PIP5K1C: variants seen among roughly 807,000 people sequenced by gnomAD.
PIP5K1C encodes phosphatidylinositol 4-phosphate 5-kinase type-1 gamma.
PIP5K1C carries 45 observed loss-of-function variants against 80.1 expected under a neutral mutation model. That is an observed-to-expected ratio of 0.56 (90% confidence interval 0.44 to 0.72). The LOEUF is 0.72. PIP5K1C is among the 30% of genes least tolerant of loss of function. PIP5K1C has a pLI of 0.00. For missense variants in PIP5K1C, 753 were observed against 954.6 expected, an observed-to-expected ratio of 0.79 and a Z score of 2.78; for synonymous variants, 498 against 420.1, an observed-to-expected ratio of 1.19 and a Z score of -2.27.
intron 1 of PIP5K1C, among the ~76,000 whole-genome samples, chr19:3,687,253 T>C (rs2035787427): frequency 6.6e-6 from 1 of 151,986 alleles, no homozygotes; most frequent in Non-Finnish European, 1.5e-5. Context: ...TCCCAGCTAC[T>C]CAGGAGGCTG....
At chr19:3,690,310 A>AAC (rs2035909358) in intron 1 of PIP5K1C, among the ~76,000 whole-genome samples, 1 of 152,068 alleles carries the variant, frequency 6.6e-6, no homozygotes, top group South Asian at 2.1e-4. Context: ...CAGCCCAGGC[A>AAC]ACATGGGAAG....
At chr19:3,645,783 C>T (rs969618660) in intron 11 of PIP5K1C, among the ~76,000 whole-genome samples, 191 bp downstream of exon 11, 1 of 152,244 alleles carries the variant, frequency 6.6e-6, no homozygotes, top group African/African-American at 2.4e-5. Context: ...GACCCGTGCT[C>T]TACCGCTGTG....
At chr19:3,694,736 G>A (rs1454013307) in intron 1 of PIP5K1C, among the ~76,000 whole-genome samples, 5 of 152,242 alleles carry the variant, frequency 3.3e-5, no homozygotes, top group African/African-American at 7.2e-5. Context: ...CTATTCCGCT[G>A]CCTACATCGC....
At chr19:3,679,866 CAACTGGAGCCTAG>C (rs1412983119) in intron 1 of PIP5K1C, among the ~76,000 whole-genome samples, 1 of 152,202 alleles carries the variant, frequency 6.6e-6, no homozygotes, top group Non-Finnish European at 1.5e-5. Flanking sequence ...GTGGAGCAGG[CAACTGGAGCCTAG>C]AACGTGCCCG....
At chr19:3,677,972 AG>A in intron 1 of PIP5K1C, among the ~76,000 whole-genome samples, 1 of 106,470 alleles carries the variant, frequency 9.4e-6, no homozygotes, top group African/African-American at 3.8e-5. Flanking sequence ...TGGAGGATGG[AG>A]GAATAGAGGG....
chr19:3,700,168 C>T, intron 1 of PIP5K1C, 129 bp downstream of exon 1: 1 of 405,544 alleles, frequency 2.5e-6, no homozygotes, highest in Non-Finnish European at 3.5e-6. Flanking sequence ...GACTGCCCCG[C>T]CCCAGGCTCC....
chr19:3,665,286 C>G (rs2034971563), intron 2 of PIP5K1C, among the ~76,000 whole-genome samples: 1 of 152,214 alleles, frequency 6.6e-6, no homozygotes, highest in African/African-American at 2.4e-5. Flanking sequence ...CTGGGCACAG[C>G]AGGGTGCTGA....
At chr19:3,646,626 C>T (rs79169878) in intron 10 of PIP5K1C, among the ~76,000 whole-genome samples, 2,124 of 152,320 alleles carry the variant, frequency 0.014, 54 homozygotes, top group African/African-American at 0.048. Flanking sequence ...GACAGCGCTC[C>T]TATCTGCCCT....
chr19:3,693,075 G>C (rs2035993318), intron 1 of PIP5K1C, among the ~76,000 whole-genome samples: 1 of 152,024 alleles, frequency 6.6e-6, no homozygotes, highest in Non-Finnish European at 1.5e-5. Context: ...GCTTTTCTTT[G>C]CTGTCTGTAT....
chr19:3,700,253 G>T, intron 1 of PIP5K1C, 44 bp downstream of exon 1: 1 of 1,084,784 alleles, frequency 9.2e-7, no homozygotes, highest in South Asian at 3.2e-5. Flanking sequence ...CTCGGCGCTC[G>T]GACGAGCCCA....
At chr19:3,666,069 C>A (rs2034997757) in intron 2 of PIP5K1C, among the ~76,000 whole-genome samples, 1 of 152,132 alleles carries the variant, frequency 6.6e-6, no homozygotes, top group African/African-American at 2.4e-5. Flanking sequence ...CCACCCGGGC[C>A]ACCCTCCACC....
chr19:3,660,435 C>T (rs1208996161), intron 5 of PIP5K1C, among the ~76,000 whole-genome samples: 1 of 151,374 alleles, frequency 6.6e-6, no homozygotes, highest in African/African-American at 2.4e-5. Flanking sequence ...CTGTGGGGAG[C>T]ACCACCCTCC....
intron 1 of PIP5K1C, among the ~76,000 whole-genome samples, chr19:3,677,964 G>A (rs1224551409): frequency 7.3e-6 from 1 of 136,194 alleles, no homozygotes; most frequent in Non-Finnish European, 1.6e-5. Flanking sequence ...TGGATGGATG[G>A]AGGATGGAGG....
chr19:3,645,236 C>T (rs1417102719), intron 11 of PIP5K1C, among the ~76,000 whole-genome samples: 3 of 152,192 alleles, frequency 2.0e-5, no homozygotes, highest in Non-Finnish European at 4.4e-5. Flanking sequence ...AGACACTTCC[C>T]AAGCATCTCT....
At chr19:3,647,299 G>A in intron 10 of PIP5K1C, 39 bp downstream of exon 10, 1 of 1,482,640 alleles carries the variant, frequency 6.7e-7, no homozygotes, top group African/African-American at 1.5e-5. Flanking sequence ...GGAGGAGGAG[G>A]GATGGGAGGA....
chr19:3,638,331 C>T (rs548755990), intron 16 of PIP5K1C, among the ~76,000 whole-genome samples: 3 of 152,302 alleles, frequency 2.0e-5, no homozygotes, highest in East Asian at 3.9e-4. Flanking sequence ...CCAGTAGCAG[C>T]CACGAGTCCC....
In PIP5K1C at chr19:3,637,845, C is replaced by T. The variant is rs950447889; in HGVS notation, c.1920+1039G>A. On this transcript the variant is annotated intron_variant, in intron 16 of 17. Transcript: ENST00000335312. The surrounding 1 kb of genome is among the most constrained non-coding windows in gnomAD (Gnocchi z 7.0). The stretch of plus-strand genomic sequence containing the variant: ...GGCATCAGGACACAGACACACAGCA[C>T]GACATGGCCCCCAGGCCCCCCGTAC... 36 of 1,535,236 alleles carry T rather than the reference C, an allele frequency of 2.3e-5. No individual in the cohort carries two copies. The highest frequency in any genetic ancestry group is 1.7e-4 in the Middle Eastern group (1 of 5,968).
intron 7 of PIP5K1C, 112 bp downstream of exon 7, chr19:3,653,178 G>A: frequency 1.1e-6 from 1 of 934,312 alleles, no homozygotes; most frequent in East Asian, 2.6e-5. Context: ...GTAGGCTGCA[G>A]GGCAGGTGGG....
intron 1 of PIP5K1C, among the ~76,000 whole-genome samples, chr19:3,684,460 T>G (rs977253213): frequency 1.3e-5 from 2 of 152,232 alleles, no homozygotes; most frequent in Non-Finnish European, 2.9e-5. Flanking sequence ...GGGGGAATTC[T>G]TCCATCAGCC....
Sources: gnomAD v4.1 joint callset for allele counts (sites outside exome capture counted in the v4.1 genomes callset) on GRCh38, gnomAD v4.1.1 for gene constraint, Gnocchi (gnomAD v3.1) non-coding constraint, MANE v1.5 for transcripts, NCBI Gene and HGNC (gene_info 2026-07-23, HGNC 2026-07-21) for gene names.